FGFR1: variants seen among roughly 807,000 people sequenced by gnomAD.
FGFR1 encodes the protein FGFR1/PLAG1 fusion.
In FGFR1, 18 loss-of-function variants were observed where a neutral mutation model predicts 93.7. The observed-to-expected ratio is 0.19, with a 90% CI of 0.13 to 0.28. The LOEUF (loss-of-function observed/expected upper bound fraction) is 0.28, where lower values mean the gene tolerates loss of function less well. FGFR1 is among the 10% of genes least tolerant of loss of function. The pLI, the probability that FGFR1 is intolerant of heterozygous loss-of-function variation, is 1.00. For missense variants in FGFR1, 731 were observed against 1,080.4 expected (o/e 0.68, Z 4.53); for synonymous variants, 448 against 429.3 (o/e 1.04, Z -0.54).
Position 38,415,993 on chromosome 8 carries a change from C to T in FGFR1, c.1731G>A (p.Arg577=), listed in dbSNP as rs1816410576. 2.5e-6 allele frequency: 4 copies of T among 1,613,876 alleles called. No individual in the cohort carries two copies. In the African/African-American group the frequency reaches 5.3e-5, roughly 22 times the overall value. ...GNLREYLQAR[R]PPGLEYCYNP... ...TGTAGCAGTATTCCAGCCCTGGGGGCCTCCGGGCCTGCAGGTACTCCCGCA... is the reference window on the plus strand; with the variant it reads ...TGTAGCAGTATTCCAGCCCTGGGGGTCTCCGGGCCTGCAGGTACTCCCGCA... Residue 577 remains arginine (R), a synonymous_variant, in exon 13 of 18, where the codon AGG becomes AGA. Coordinates refer to ENST00000447712, the MANE Select transcript of FGFR1 (RefSeq NM_023110.3).
chr8:38,431,702 T>C (rs891537039), intron 2 of FGFR1, among the ~76,000 whole-genome samples: 2 of 152,156 alleles, frequency 1.3e-5, no homozygotes, highest in Non-Finnish European at 2.9e-5. Context: ...ATGGGCTTTA[T>C]CTTAAATAAG....
Position 38,411,882 on chromosome 8 carries a change from G to C in FGFR1, c.*1746C>G, listed in dbSNP as rs1176827645. On this transcript the variant is annotated 3_prime_UTR_variant, in exon 18 of 18. Coordinates refer to ENST00000447712, the MANE Select transcript of FGFR1 (RefSeq NM_023110.3). ...GCGACAGTCCCAACAAATACAGTCT[G>C]GTCACATGGATACAGGAAGGACGAT... 4.4e-6 allele frequency: 1 copy of C among 228,904 alleles called. No individual in the cohort carries two copies. Among genetic ancestry groups the C allele is most frequent in the Non-Finnish European group, 8.7e-6 (1 of 115,326 alleles). The allele number at this position is 228,904 out of a possible 1,614,324, so 14.2% of individuals were successfully genotyped here. A position where few individuals can be genotyped will look rare whatever the true frequency, so the allele number is the denominator to read the frequency against.
At chr8:38,455,332 G>A (rs761245732) in intron 2 of FGFR1, among the ~76,000 whole-genome samples, 25 of 152,278 alleles carry the variant, frequency 1.6e-4, no homozygotes, top group Non-Finnish European at 3.1e-4. Context: ...CCAGGCTGGA[G>A]TGCAGTGGCG....
chr8:38,433,890 C>G (rs1472711064), intron 2 of FGFR1, among the ~76,000 whole-genome samples: 2 of 152,212 alleles, frequency 1.3e-5, no homozygotes, highest in Admixed American at 1.3e-4. Context: ...TCCCTCGCCC[C>G]TCAAAAAATG....
rs1246231808 is a variant in FGFR1, at chr8:38,426,190, C to G, written c.677G>C (p.Gly226Ala). The stretch of plus-strand genomic sequence containing the variant: ...ATTCTCCACAATGCAGGTGTAGTTG[C>G]CCTTGTCAGAGGGCACCACAGAGTC... ...IMDSVVPSDK[G>A]NYTCIVENEY... Residue 226 changes from glycine (G) to alanine (A), a missense_variant, in exon 6 of 18, where the codon GGC (glycine) becomes GCC (alanine). This residue lies in a region of FGFR1 where 109 missense variants were observed against 249.4 expected (regional missense o/e 0.44). Transcript: ENST00000447712. The surrounding 1 kb of genome is among the most constrained non-coding windows in gnomAD (Gnocchi z 4.1). The G allele has an allele frequency of 6.2e-7, 1 of 1,614,180 alleles. No individual in the cohort carries two copies. The highest frequency in any genetic ancestry group is 2.2e-5 in the East Asian group (1 of 44,890).
At chr8:38,454,681 C>G (rs973816730) in intron 2 of FGFR1, among the ~76,000 whole-genome samples, 20 of 152,200 alleles carry the variant, frequency 1.3e-4, no homozygotes, top group African/African-American at 4.6e-4. Context: ...ACTATTAACA[C>G]CTTACATGGA....
In FGFR1 at chr8:38,413,573, T is replaced by C; in HGVS notation, c.*55A>G. ...GACAGGTGGTGGGCCCAGCAGGGGCTGTGGGTGAGGGTTACAGCTGACGGT... is the reference window on the plus strand; with the variant it reads ...GACAGGTGGTGGGCCCAGCAGGGGCCGTGGGTGAGGGTTACAGCTGACGGT... On this transcript the variant is annotated 3_prime_UTR_variant, in exon 18 of 18. Transcript: ENST00000447712. The surrounding 1 kb of genome is among the most constrained non-coding windows in gnomAD (Gnocchi z 4.2). 3 of 1,546,428 alleles carry C rather than the reference T, an allele frequency of 1.9e-6. No individual in the cohort carries two copies. Among genetic ancestry groups the C allele is most frequent in the Non-Finnish European group, 2.6e-6 (3 of 1,141,242 alleles).
In FGFR1 at chr8:38,412,379, G is replaced by A. The variant is rs1586064072; in HGVS notation, c.*1249C>T. ...CTCTTAATCACTGTAGCTCTACCCCGTGGCTATTCCTAGGTAGGTGCCCCC... is the reference window on the plus strand; with the variant it reads ...CTCTTAATCACTGTAGCTCTACCCCATGGCTATTCCTAGGTAGGTGCCCCC... On this transcript the variant is annotated 3_prime_UTR_variant, in exon 18 of 18. Transcript: ENST00000447712. 8.6e-6 allele frequency: 2 copies of A among 232,420 alleles called. No individual in the cohort carries two copies. Among genetic ancestry groups the A allele is most frequent in the East Asian group, 6.1e-5 (1 of 16,506 alleles). 14.4% of individuals were successfully genotyped at this position (232,420 alleles called of 1,614,324 possible). A position where few individuals can be genotyped will look rare whatever the true frequency, so the allele number is the denominator to read the frequency against.
At chr8:38,440,185 C>A (rs1227635562) in intron 2 of FGFR1, 6 of 814,314 alleles carry the variant, frequency 7.4e-6, no homozygotes, top group Non-Finnish European at 1.2e-5. Flanking sequence ...GGGGGAGGAA[C>A]TCGGGGTGGC....
At chr8:38,430,945 T>A (rs1822867903) in intron 2 of FGFR1, 1 of 152,206 alleles carries the variant, frequency 6.6e-6, no homozygotes, top group Non-Finnish European at 1.5e-5. Flanking sequence ...CTGTTACCCA[T>A]CTCCTGAGCA....
rs375709947 is a variant in FGFR1, at chr8:38,426,319, C to T, written c.622-74G>A. On this transcript the variant is annotated intron_variant, in intron 5 of 17. Transcript: ENST00000447712. This position sits in a 1 kb window ranked among gnomAD's most constrained non-coding sequence, Gnocchi z 4.1. ...AGGCCCCATGACAATGTCGGCACCC[C>T]GTGGCACCTGCCCTCCATATCAGAG... 1.1e-5 allele frequency: 17 copies of T among 1,599,744 alleles called. No individual in the cohort carries two copies. The highest frequency in any genetic ancestry group is 3.3e-5 in the South Asian group (3 of 90,460).
intron 2 of FGFR1, among the ~76,000 whole-genome samples, chr8:38,456,596 T>TTTTTTTC (rs1832905181): frequency 6.6e-6 from 1 of 152,098 alleles, no homozygotes; most frequent in African/African-American, 2.4e-5. Context: ...AAGATGTGCC[T>TTTTTTTC]TTTTTTCACC....
intron 2 of FGFR1, among the ~76,000 whole-genome samples, chr8:38,433,634 TAAAAC>T (rs1275566529): frequency 2.6e-5 from 4 of 152,330 alleles, no homozygotes; most frequent in South Asian, 2.1e-4. Context: ...GACCCTGTCT[TAAAAC>T]AAAACAAGAA....
At chr8:38,432,069 T>C (rs1401007561) in intron 2 of FGFR1, among the ~76,000 whole-genome samples, 1 of 152,202 alleles carries the variant, frequency 6.6e-6, no homozygotes, top group Non-Finnish European at 1.5e-5. Context: ...TCTTACCCTC[T>C]GGCATCACAA....
intron 2 of FGFR1, among the ~76,000 whole-genome samples, chr8:38,448,802 A>G (rs1830195796): frequency 6.6e-6 from 1 of 152,188 alleles, no homozygotes; most frequent in African/African-American, 2.4e-5. Flanking sequence ...AAAAAATACA[A>G]AAATTAGCTG....
At chr8:38,461,184 A>T in intron 1 of FGFR1, 1 of 1,506,846 alleles carries the variant, frequency 6.6e-7, no homozygotes, top group African/African-American at 1.4e-5. Context: ...CTGATCCAAC[A>T]TACAGGGTGG....
In FGFR1 at chr8:38,412,634, A is replaced by G. The variant is rs17176081; in HGVS notation, c.*994T>C. ...GTTACAAGGAACCTGCGCCGGGAGC[A>G]TGCGGTGCCCTCGGGACAGACCTAG... is the stretch of plus-strand genomic sequence containing the variant. On this transcript the variant is annotated 3_prime_UTR_variant, in exon 18 of 18. Coordinates refer to ENST00000447712, the MANE Select transcript of FGFR1 (RefSeq NM_023110.3). 435 of 233,748 alleles carry G rather than the reference A, an allele frequency of 1.9e-3. 1 individual carries two copies. Among genetic ancestry groups the G allele is most frequent in the African/African-American group, 8.3e-3 (377 of 45,488 alleles). 14.5% of individuals were successfully genotyped at this position (233,748 alleles called of 1,614,324 possible). A position where few individuals can be genotyped will look rare whatever the true frequency, so the allele number is the denominator to read the frequency against.
At chr8:38,432,917 C>G (rs551387989) in intron 2 of FGFR1, among the ~76,000 whole-genome samples, 4 of 142,596 alleles carry the variant, frequency 2.8e-5, no homozygotes, top group East Asian at 2.2e-4. Flanking sequence ...CGCCCCCCCC[C>G]CTCCCCAGTT....
intron 1 of FGFR1, among the ~76,000 whole-genome samples, chr8:38,458,262 C>T (rs1436126626): frequency 6.6e-6 from 1 of 152,130 alleles, no homozygotes; most frequent in East Asian, 1.9e-4. Context: ...CTGCCCAGGC[C>T]AGGTGCGGTG....
Sources: gnomAD v4.1 joint callset for allele counts (sites outside exome capture counted in the v4.1 genomes callset) on GRCh38, gnomAD v4.1.1 for gene constraint, gnomAD v4.1.1 regional missense constraint, Gnocchi (gnomAD v3.1) non-coding constraint, MANE v1.5 for transcripts, NCBI Gene and HGNC (gene_info 2026-07-23, HGNC 2026-07-21) for gene names.